UBE2E2: variants seen among roughly 807,000 people sequenced by gnomAD.
The protein encoded by UBE2E2 is ubiquitin conjugating enzyme E2 E2, also known as ubiquitin-conjugating enzyme E2 E2.
UBE2E2 carries 6 observed loss-of-function variants against 24.7 expected under a neutral mutation model. The observed-to-expected ratio is 0.24, with a 90% confidence interval of 0.13 to 0.48. The LOEUF is 0.48. Among genes scored for constraint, UBE2E2 ranks in the 20% least tolerant of loss-of-function variants. The pLI is 0.99. For synonymous variants in UBE2E2, 104 were observed against 83.6 expected (o/e 1.24, Z -1.33); for missense variants, 169 against 245.0 (o/e 0.69, Z 2.07).
intron 3 of UBE2E2, among the ~76,000 whole-genome samples, chr3:23,259,107 A>G (rs1272681495): frequency 6.6e-6 from 1 of 152,182 alleles, no homozygotes; most frequent in African/African-American, 2.4e-5. Context: ...GTCACAAGTC[A>G]CTTTAGGGTA....
At chr3:23,543,566 A>G (rs1326526994) in intron 5 of UBE2E2, among the ~76,000 whole-genome samples, 1 of 152,010 alleles carries the variant, frequency 6.6e-6, no homozygotes, top group Non-Finnish European at 1.5e-5. Context: ...AAAAATAATA[A>G]TAGATGACAA....
At chr3:23,271,343 C>T (rs1698236101) in intron 3 of UBE2E2, among the ~76,000 whole-genome samples, 1 of 152,194 alleles carries the variant, frequency 6.6e-6, no homozygotes, top group Non-Finnish European at 1.5e-5. Context: ...AGGAGTGAAG[C>T]TACAGACCTT....
rs1387620883 is a variant in UBE2E2, at chr3:23,546,605, C to A, written c.508+13904C>A. Among the ~76,000 whole-genome samples, 4 of 151,270 alleles carry A rather than the reference C, an allele frequency of 2.6e-5. No individual in the cohort carries two copies. The South Asian group carries it at 6.3e-4, about 24-fold the overall frequency. On this transcript the variant is annotated intron_variant, in intron 5 of 5. Coordinates refer to ENST00000396703, the MANE Select transcript of UBE2E2 (RefSeq NM_152653.4). The stretch of plus-strand genomic sequence containing the variant: ...TCTCTTGCCTCAGCCTCCCGAGTAG[C>A]TGAAATTACAGGCATGCACCACCAC...
In UBE2E2 at chr3:23,370,456, T is replaced by G. The variant is rs183690049; in HGVS notation, c.228-129152T>G. On this transcript the variant is annotated intron_variant, in intron 3 of 5. Coordinates refer to ENST00000396703, the MANE Select transcript of UBE2E2 (RefSeq NM_152653.4). ...TAGTTTAGAACAAAGTAAACCCCAT[T>G]ATAGAAGTGGGAATTTAGGAAGAGG... Among the ~76,000 whole-genome samples, 1,137 of 152,298 alleles carry G rather than the reference T, an allele frequency of 7.5e-3. 3 individuals carry two copies. Among genetic ancestry groups the G allele is most frequent in the Middle Eastern group, 0.014 (4 of 294 alleles).
intron 3 of UBE2E2, among the ~76,000 whole-genome samples, chr3:23,411,804 C>T (rs1028970133): frequency 3.9e-5 from 6 of 152,020 alleles, no homozygotes; most frequent in Non-Finnish European, 8.8e-5. Flanking sequence ...GTACATACTA[C>T]CTTCTAAGGG....
intron 1 of UBE2E2, among the ~76,000 whole-genome samples, chr3:23,207,699 G>A (rs749227922): frequency 2.6e-5 from 4 of 152,146 alleles, no homozygotes; most frequent in East Asian, 1.9e-4. Flanking sequence ...ACTAACCTTC[G>A]TTTTTGTACT....
At chr3:23,290,657 T>C (rs1698739422) in intron 3 of UBE2E2, among the ~76,000 whole-genome samples, 1 of 152,012 alleles carries the variant, frequency 6.6e-6, no homozygotes, top group Admixed American at 6.6e-5. Context: ...ATCATAGTTG[T>C]GATTTAGAAT....
intron 3 of UBE2E2, among the ~76,000 whole-genome samples, chr3:23,434,367 A>G (rs1260948495): frequency 1.3e-5 from 2 of 152,170 alleles, no homozygotes; most frequent in Non-Finnish European, 2.9e-5. Flanking sequence ...GTATCAAACT[A>G]GAATTCTGAA....
intron 4 of UBE2E2, among the ~76,000 whole-genome samples, chr3:23,505,766 C>T (rs922587454): frequency 1.3e-5 from 2 of 152,106 alleles, no homozygotes; most frequent in Admixed American, 1.3e-4. Context: ...CTATGGGTTG[C>T]TTACTAATGT....
chr3:23,254,876 G>A (rs1411615786), intron 3 of UBE2E2, among the ~76,000 whole-genome samples: 1 of 151,916 alleles, frequency 6.6e-6, no homozygotes, highest in Non-Finnish European at 1.5e-5. Context: ...ATCTTAAAGG[G>A]ATTTAGGAAC....
intron 3 of UBE2E2, among the ~76,000 whole-genome samples, chr3:23,335,898 C>T (rs950966620): frequency 6.6e-6 from 1 of 152,126 alleles, no homozygotes; most frequent in Admixed American, 6.5e-5. Flanking sequence ...AAAAGGTGTA[C>T]AGTTTGACTT....
At chr3:23,304,998 C>T (rs1455702314) in intron 3 of UBE2E2, among the ~76,000 whole-genome samples, 2 of 152,254 alleles carry the variant, frequency 1.3e-5, no homozygotes, top group South Asian at 2.1e-4. Flanking sequence ...CATGTTGATA[C>T]ATTTCATTAT....
At chr3:23,434,880 G>C (rs1445510369) in intron 3 of UBE2E2, among the ~76,000 whole-genome samples, 1 of 152,180 alleles carries the variant, frequency 6.6e-6, no homozygotes, top group Non-Finnish European at 1.5e-5. Flanking sequence ...TTTGCGCACA[G>C]AATGTTAGCT....
intron 3 of UBE2E2, among the ~76,000 whole-genome samples, chr3:23,236,697 C>G (rs1697123032): frequency 6.6e-6 from 1 of 152,100 alleles, no homozygotes; most frequent in African/African-American, 2.4e-5. Context: ...AGAAAGCTGT[C>G]AGAAATGTTA....
chr3:23,267,831 G>A (rs1338322280), intron 3 of UBE2E2, among the ~76,000 whole-genome samples: 1 of 149,100 alleles, frequency 6.7e-6, no homozygotes, highest in African/African-American at 2.5e-5. Flanking sequence ...ACCGAATCCA[G>A]CAGCACATCA....
intron 5 of UBE2E2, among the ~76,000 whole-genome samples, chr3:23,563,112 C>G (rs1695976682): frequency 1.3e-5 from 2 of 152,090 alleles, no homozygotes; most frequent in South Asian, 4.1e-4. Context: ...CTTCTGCTAG[C>G]TTTTGAATGT....
At chr3:23,566,470 G>A (rs1426238064) in intron 5 of UBE2E2, among the ~76,000 whole-genome samples, 1 of 152,150 alleles carries the variant, frequency 6.6e-6, no homozygotes, top group Non-Finnish European at 1.5e-5. Flanking sequence ...CATTTGCATT[G>A]CTATAAAGGA....
intron 3 of UBE2E2, among the ~76,000 whole-genome samples, chr3:23,428,006 A>G (rs1697968529): frequency 6.6e-6 from 1 of 152,222 alleles, no homozygotes; most frequent in South Asian, 2.1e-4. Context: ...TCAGAAAGTG[A>G]TCCAGCAGGC....
At chr3:23,250,851 C>T (rs915314753) in intron 3 of UBE2E2, among the ~76,000 whole-genome samples, 1 of 152,148 alleles carries the variant, frequency 6.6e-6, no homozygotes, top group South Asian at 2.1e-4. Flanking sequence ...TCTCAGTCCT[C>T]TGTGGCAGGA....
Sources: allele counts gnomAD v4.1 joint callset (sites outside exome capture counted in the v4.1 genomes callset), GRCh38; gene constraint gnomAD v4.1.1; transcripts MANE v1.5; gene names NCBI Gene and HGNC (gene_info 2026-07-23, HGNC 2026-07-21).